The following SYNPO2L variants were observed in gnomAD, a reference collection of about 807,000 sequenced individuals.
SYNPO2L encodes the protein synaptopodin 2-like protein.
A neutral mutation model predicts 47.5 loss-of-function variants in SYNPO2L; 34 were observed. The ratio of observed to expected loss-of-function variants is 0.72; its 90% CI spans 0.54 to 0.95. The LOEUF (loss-of-function observed/expected upper bound fraction) is 0.95, where lower values mean the gene tolerates loss of function less well. Ranked by LOEUF, SYNPO2L falls within the 40% of genes least tolerant of loss-of-function variation. The pLI is 0.00. For missense variants in SYNPO2L, 1,246 were observed against 1,282.0 expected, an observed-to-expected ratio of 0.97 and a Z score of 0.43; for synonymous variants, 536 against 524.9, an observed-to-expected ratio of 1.02 and a Z score of -0.29.
chr10:73,647,001 A>G lies in SYNPO2L; in HGVS notation c.2651T>C (p.Val884Ala), dbSNP rs1169759817. Reference protein sequence around the residue: ...IASGSPKTARVQEIRRFSTPA... With the variant: ...IASGSPKTARAQEIRRFSTPA... ...AGTGGAAAACCGGCGAATCTCCTGG[A>G]CTCGGGCAGTTTTGGGGGACCCTGA... The change falls in exon 4 of 4, where the codon GTC (valine) becomes GCC (alanine). Residue 884 changes from valine (V) to alanine (A), a missense_variant. Val to Ala is a moderately conservative substitution (Grantham distance 64). Around this residue, in one of 3 missense-constraint regions of SYNPO2L, gnomAD observed 1,037 missense variants for 1,021.5 expected, o/e 1.02. Coordinates refer to ENST00000394810, the MANE Select transcript of SYNPO2L (RefSeq NM_001114133.3). 2 of 1,613,264 alleles carry G rather than the reference A, an allele frequency of 1.2e-6. No individual in the cohort carries two copies. The highest frequency in any genetic ancestry group is 1.7e-6 in the Non-Finnish European group (2 of 1,179,434).
Position 73,648,631 on chromosome 10 carries a change from A to T in SYNPO2L, c.1021T>A (p.Ser341Thr). ...TGATTGGTGAGGCTGCGGGCGTCAG[A>T]GAAGGCTTCTTCGTCCAGCTCGGAC... ...SESELDEEAF[S>T]DARSLTNQSD... is the part of the protein sequence containing the mutation. The change falls in exon 4 of 4, where the codon TCT becomes ACT. Residue 341 changes from serine to threonine, a missense_variant. Coordinates refer to ENST00000394810, the MANE Select transcript of SYNPO2L (RefSeq NM_001114133.3). 6.2e-7 allele frequency: 1 copy of T among 1,613,876 alleles called. No homozygotes were observed. The highest frequency in any genetic ancestry group is 8.5e-7 in the Non-Finnish European group (1 of 1,179,768).
Position 73,647,423 on chromosome 10 carries a change from G to C in SYNPO2L, c.2229C>G (p.Ala743=). The part of the protein sequence containing the change: ...GLLDGLVNGA[A]SSAGIPEPPR... ...GTGGCTCAGGGATTCCAGCCGAAGA[G>C]GCTGCCCCATTCACGAGCCCATCAA... Residue 743 remains alanine (A), a synonymous_variant, in exon 4 of 4, where the codon GCC becomes GCG. Coordinates refer to ENST00000394810, the MANE Select transcript of SYNPO2L (RefSeq NM_001114133.3). 1 of 1,611,528 alleles carries C rather than the reference G, an allele frequency of 6.2e-7. No individual in the cohort carries two copies. Among genetic ancestry groups the C allele is most frequent in the Non-Finnish European group, 8.5e-7 (1 of 1,178,148 alleles).
At position 73,647,857 on chromosome 10, in the gene SYNPO2L, G is replaced by C. The variant is rs770274328; in HGVS notation, c.1795C>G (p.Pro599Ala). The part of the protein sequence containing the change: ...RPSARPEAPA[P>A]GPGAPEPPSA... ...GGGGGCTCAGGAGCCCCTGGGCCTGGGGCAGGCGCCTCTGGGCGCGCAGAG... is the reference window on the plus strand; with the variant it reads ...GGGGGCTCAGGAGCCCCTGGGCCTGCGGCAGGCGCCTCTGGGCGCGCAGAG... Residue 599 changes from proline (P) to alanine (A), a missense_variant, in exon 4 of 4, where the codon CCA becomes GCA. Transcript: ENST00000394810. The C allele has an allele frequency of 9.1e-6, 14 of 1,542,214 alleles. No individual in the cohort carries two copies. Among genetic ancestry groups the C allele is most frequent in the East Asian group, 4.5e-5 (2 of 44,288 alleles).
intron 3 of SYNPO2L, among the ~76,000 whole-genome samples, chr10:73,650,468 G>A (rs2081832411): frequency 6.6e-6 from 1 of 152,108 alleles, no homozygotes; most frequent in African/African-American, 2.4e-5. Context: ...GGTAGACAAT[G>A]GCTACCTCAT....
rs2081772436 is a variant in SYNPO2L, at chr10:73,647,445, T to C, written c.2207A>G (p.Asp736Gly). The C allele has an allele frequency of 1.9e-6, 3 of 1,605,630 alleles. No homozygotes were observed. The highest frequency in any genetic ancestry group is 2.7e-5 in the African/African-American group (2 of 74,470). Residue 736 changes from aspartate (D) to glycine (G), a missense_variant, in exon 4 of 4, where the codon GAT (aspartate) becomes GGT (glycine). By Grantham distance (94) the Asp-to-Gly change is moderately conservative. Around this residue, in one of 3 missense-constraint regions of SYNPO2L, gnomAD observed 1,037 missense variants for 1,021.5 expected, o/e 1.02. Transcript: ENST00000394810. ...AGAGGCTGCCCCATTCACGAGCCCA[T>C]CAAGGAGCCCTCGAGATGGGGGCTT... Reference protein sequence around the residue: ...APKPPSRGLLDGLVNGAASSA... With the variant: ...APKPPSRGLLGGLVNGAASSA...
rs528735292 is a variant in SYNPO2L at position 73,653,045 on chromosome 10, G to A, written c.772+94C>T. 2.3e-5 allele frequency: 31 copies of A among 1,376,654 alleles called. No homozygotes were observed. The African/African-American group carries it at 3.6e-4, about 16-fold the overall frequency. The allele number at this position is 1,376,654 out of a possible 1,614,324, so 85.3% of individuals were successfully genotyped here. On this transcript the variant is annotated intron_variant, in intron 3 of 3. Transcript: ENST00000394810. The stretch of plus-strand genomic sequence containing the variant: ...CCTGTCCCCAAGACTGTATCCAAGG[G>A]TCCCAAGGTAGGGAGAATGTACGGC...
At position 73,647,319 on chromosome 10, in the gene SYNPO2L, G is replaced by C; in HGVS notation, c.2333C>G (p.Pro778Arg). ...AGGCCGAGGGCCAAGACCAGGACCA[G>C]GTGTACCTTCCACCACATACCTGTC... ...RADRYVVEGT[P>R]GPGLGPRPRS... is the part of the protein sequence containing the mutation. The change falls in exon 4 of 4, where the codon CCT (proline) becomes CGT (arginine). Residue 778 changes from proline to arginine, a missense_variant. By Grantham distance (103) the Pro-to-Arg change is moderately radical. This residue lies in a region of SYNPO2L where 1,037 missense variants were observed against 1,021.5 expected (regional missense o/e 1.02). Transcript: ENST00000394810. 4.3e-6 allele frequency: 7 copies of C among 1,614,070 alleles called. No individual in the cohort carries two copies. Among genetic ancestry groups the C allele is most frequent in the Non-Finnish European group, 5.9e-6 (7 of 1,180,010 alleles).
chr10:73,650,761 A>G (rs546478481), intron 3 of SYNPO2L: 2 of 1,320,490 alleles, frequency 1.5e-6, no homozygotes, highest in Non-Finnish European at 1.9e-6. Flanking sequence ...AGAAAGGGGC[A>G]GTGAAACTCT....
intron 3 of SYNPO2L, chr10:73,650,970 C>G: frequency 1.2e-6 from 2 of 1,613,796 alleles, no homozygotes; most frequent in Non-Finnish European, 1.7e-6. Context: ...GCTGGCTTGG[C>G]TGAGGGGCTC....
Position 73,645,158 on chromosome 10 carries a change from C to T in SYNPO2L, c.*1560G>A, listed in dbSNP as rs148116168. The T allele has an allele frequency of 1.7e-6, 2 of 1,199,420 alleles. No individual in the cohort carries two copies. The highest frequency in any genetic ancestry group is 1.7e-5 in the African/African-American group (1 of 59,384). 74.3% of individuals were successfully genotyped at this position (1,199,420 alleles called of 1,614,324 possible). On this transcript the variant is annotated 3_prime_UTR_variant, in exon 4 of 4. Transcript: ENST00000394810. Reference sequence around the variant, plus strand: ...GGCAGTCATGGCAAGCTGCAGAAGACACACTGAAGAACAGACTCAAGGAAA... The same window carrying T: ...GGCAGTCATGGCAAGCTGCAGAAGATACACTGAAGAACAGACTCAAGGAAA...
chr10:73,649,617 G>T, intron 3 of SYNPO2L: 1 of 655,056 alleles, frequency 1.5e-6, no homozygotes, highest in Non-Finnish European at 1.9e-6. Context: ...ATACACTTAT[G>T]TAAATACACA....
rs2081810449 is a variant in SYNPO2L, at chr10:73,648,759, A to C, written c.893T>G (p.Phe298Cys). 4 of 1,612,044 alleles carry C rather than the reference A, an allele frequency of 2.5e-6. No individual in the cohort carries two copies. The South Asian group carries it at 3.3e-5, about 13-fold the overall frequency. ...PNPHSKGVLM[F>C]KKRRQRAKKY... is the part of the protein sequence containing the mutation. ...CTTGGCTCTCTGCCGCCGTTTCTTA[A>C]ACATAAGTACCCCTTTGGAGTGGGG... The change falls in exon 4 of 4, where the codon TTT (phenylalanine) becomes TGT (cysteine). Residue 298 changes from phenylalanine to cysteine, a missense_variant. By Grantham distance (205) the Phe-to-Cys change is radical (BLOSUM62 -2). Transcript: ENST00000394810.
Position 73,651,451 on chromosome 10 carries a change from C to T in SYNPO2L, c.772+1688G>A, listed in dbSNP as rs146380293. Among the ~76,000 whole-genome samples, 3 of 152,108 alleles carry T rather than the reference C, an allele frequency of 2.0e-5. No individual in the cohort carries two copies. In the East Asian group the frequency reaches 5.8e-4, roughly 29 times the overall value. On this transcript the variant is annotated intron_variant, in intron 3 of 3. Transcript: ENST00000394810. ...ACACAAAGTTCTATAGATCAGGAAT[C>T]AAAATGGTGGAGGAGAGGGAAGAAA...
In SYNPO2L at chr10:73,651,899, C is replaced by T. The variant is rs759775198; in HGVS notation, c.772+1240G>A. Among the ~76,000 whole-genome samples, 15 of 151,646 alleles carry T rather than the reference C, an allele frequency of 9.9e-5. No homozygotes were observed. The South Asian group carries it at 1.5e-3, about 15-fold the overall frequency. On this transcript the variant is annotated intron_variant, in intron 3 of 3. Transcript: ENST00000394810. ...GACCAGCCTGGCCAACATAGTGAAACGCCGTCTCTACTAAAAATACAAAAA... is the reference window on the plus strand; with the variant it reads ...GACCAGCCTGGCCAACATAGTGAAATGCCGTCTCTACTAAAAATACAAAAA...
At chr10:73,650,114 G>A (rs1564993749) in intron 3 of SYNPO2L, 1 of 985,388 alleles carries the variant, frequency 1.0e-6, no homozygotes, top group East Asian at 1.1e-4. Context: ...CTGCTGCGAG[G>A]ACCCCGCCTT....
At chr10:73,650,240 GCTTTGTAATGAGCTC>G (rs1322613973) in intron 3 of SYNPO2L, 2 of 984,888 alleles carry the variant, frequency 2.0e-6, no homozygotes, top group African/African-American at 3.5e-5. Flanking sequence ...TTTGTAATGA[GCTTTGTAATGAGCTC>G]CTTTGTAATG....
rs2132418817 is a variant in SYNPO2L, at chr10:73,648,369, G to A, written c.1283C>T (p.Ala428Val). 6.2e-7 allele frequency: 1 copy of A among 1,606,240 alleles called. No individual in the cohort carries two copies. Residue 428 changes from alanine (A) to valine (V), a missense_variant, in exon 4 of 4, where the codon GCT becomes GTT. Physicochemically the swap from Ala to Val is moderately conservative, Grantham distance 64 (BLOSUM62 0). Around this residue, in one of 3 missense-constraint regions of SYNPO2L, gnomAD observed 1,037 missense variants for 1,021.5 expected, o/e 1.02. Coordinates refer to ENST00000394810, the MANE Select transcript of SYNPO2L (RefSeq NM_001114133.3). ...TGGGAGCACAGCTGCCTCTGGGGGA[G>A]CACTCTGGGCCCGAGGTGGTGACTG... The part of the protein sequence containing the change: ...GLQSPPRAQS[A>V]PPEAAVLPPS...
rs1016528880 is a variant in SYNPO2L at position 73,647,677 on chromosome 10, G to A, written c.1975C>T (p.Leu659=). ...NPELLSLVQN[L]DEKPRAGGAE... ...CCCCCGGCCCGAGGCTTTTCATCCAGGTTCTGTACCAGCGATAGCAGCTCG... is the reference window on the plus strand; with the variant it reads ...CCCCCGGCCCGAGGCTTTTCATCCAAGTTCTGTACCAGCGATAGCAGCTCG... The change falls in exon 4 of 4, where the codon CTG becomes TTG. Residue 659 remains leucine, a synonymous_variant. Transcript: ENST00000394810. 3 of 1,613,982 alleles carry A rather than the reference G, an allele frequency of 1.9e-6. No individual in the cohort carries two copies. In the African/African-American group the frequency reaches 4.0e-5, roughly 22 times the overall value.
At chr10:73,655,281 A>G (rs1256450857) in intron 1 of SYNPO2L, among the ~76,000 whole-genome samples, 2 of 152,146 alleles carry the variant, frequency 1.3e-5, no homozygotes, top group Admixed American at 6.6e-5. Flanking sequence ...GTGAGGCCAG[A>G]TCTTGCCATA....
Sources: allele counts gnomAD v4.1 joint callset (sites outside exome capture counted in the v4.1 genomes callset), GRCh38; gene constraint gnomAD v4.1.1; regional missense constraint gnomAD v4.1.1; transcripts MANE v1.5; gene names NCBI Gene and HGNC (gene_info 2026-07-23, HGNC 2026-07-21).